RGS7: variants seen among roughly 807,000 people sequenced by gnomAD.
RGS7 encodes regulator of G protein signaling 7, also known as regulator of G-protein signaling 7.
RGS7 carries 27 observed loss-of-function variants against 81.1 expected under a neutral mutation model. The ratio of observed to expected loss-of-function variants is 0.33; its 90% CI spans 0.25 to 0.46. RGS7 has a LOEUF of 0.46. Ranked by LOEUF, RGS7 falls within the 20% of genes least tolerant of loss-of-function variation. The pLI is 1.00. For missense variants in RGS7, 396 were observed against 607.4 expected, an observed-to-expected ratio of 0.65 and a Z score of 3.66; for synonymous variants, 208 against 207.7, an observed-to-expected ratio of 1.00 and a Z score of -0.01.
intron 6 of RGS7, among the ~76,000 whole-genome samples, chr1:240,894,334 T>A (rs1475645660): frequency 2.0e-5 from 3 of 152,216 alleles, no homozygotes; most frequent in Non-Finnish European, 4.4e-5. Flanking sequence ...AGGATTTATG[T>A]CCTTGTTCAG....
At chr1:241,319,162 G>A (rs1295584621) in intron 2 of RGS7, among the ~76,000 whole-genome samples, 1 of 152,110 alleles carries the variant, frequency 6.6e-6, no homozygotes, top group Non-Finnish European at 1.5e-5. Context: ...TCTTTAACTT[G>A]GTTGGCTGAT....
intron 18 of RGS7, among the ~76,000 whole-genome samples, chr1:240,799,684 A>G (rs1332633647): frequency 6.6e-6 from 1 of 152,170 alleles, no homozygotes; most frequent in African/African-American, 2.4e-5. Flanking sequence ...TCTGTGCATA[A>G]TTTTTATAAC....
At chr1:240,870,179 A>C (rs1417820334) in intron 6 of RGS7, 60 bp from the exon 7 acceptor site, 1 of 1,426,282 alleles carries the variant, frequency 7.0e-7, no homozygotes, top group Non-Finnish European at 9.9e-7. Context: ...TATAAGTAAA[A>C]GTACAACATT....
chr1:240,779,036 G>A lies in RGS7; in HGVS notation c.*7-2823C>T, dbSNP rs116500858. 2.8e-3 allele frequency among the ~76,000 whole-genome samples: 421 copies of A among 152,150 alleles called. 1 individual carries two copies. The highest frequency in any genetic ancestry group is 9.1e-3 in the African/African-American group (378 of 41,496). On this transcript the variant is annotated intron_variant, in intron 18 of 18. Transcript: ENST00000440928. ...CTCCCCAGTGTGATGCTATTAGGAG[G>A]TGGGGGCTTTGCGAAGTGACCATGT...
intron 2 of RGS7, among the ~76,000 whole-genome samples, chr1:241,327,080 G>GGA (rs2081590448): frequency 2.0e-5 from 1 of 49,348 alleles, no homozygotes; most frequent in Admixed American, 2.4e-4. Flanking sequence ...AAGGAAGGAA[G>GGA]AGAAAGAAAG....
chr1:241,212,803 G>A (rs888049595), intron 2 of RGS7, among the ~76,000 whole-genome samples: 8 of 152,208 alleles, frequency 5.3e-5, no homozygotes, highest in African/African-American at 1.9e-4. Context: ...CTTCCGCGTT[G>A]TTGTAGGACA....
chr1:240,790,239 AAAAAC>A (rs547510902), intron 18 of RGS7, among the ~76,000 whole-genome samples: 13 of 152,320 alleles, frequency 8.5e-5, no homozygotes, highest in African/African-American at 3.1e-4. Flanking sequence ...CTCAAAAAAC[AAAAAC>A]AAAACAAAAC....
intron 2 of RGS7, among the ~76,000 whole-genome samples, chr1:241,238,538 T>C (rs1282882682): frequency 6.6e-6 from 1 of 152,188 alleles, no homozygotes; most frequent in Non-Finnish European, 1.5e-5. Context: ...TCTCTCTTTT[T>C]TCTTTTAAAA....
intron 2 of RGS7, among the ~76,000 whole-genome samples, chr1:241,136,604 C>T (rs977516344): frequency 1.3e-5 from 2 of 152,096 alleles, no homozygotes; most frequent in African/African-American, 2.4e-5. Context: ...CACGAAAGGC[C>T]GGGTGATGGC....
chr1:241,192,044 AGAGGCG>A (rs1359136464), intron 2 of RGS7, among the ~76,000 whole-genome samples: 1 of 152,222 alleles, frequency 6.6e-6, no homozygotes, highest in African/African-American at 2.4e-5. Context: ...TAACATGAGC[AGAGGCG>A]GGGCCAAACT....
At chr1:240,948,838 T>C (rs1313845278) in intron 4 of RGS7, among the ~76,000 whole-genome samples, 2 of 149,758 alleles carry the variant, frequency 1.3e-5, no homozygotes, top group African/African-American at 4.9e-5. Flanking sequence ...TAGTATAACA[T>C]ACATATATAT....
rs1369186248 is a variant in RGS7, at chr1:240,983,191, T to G, written c.176-62A>C. The G allele has an allele frequency of 3.4e-6, 3 of 885,122 alleles. No homozygotes were observed. In the African/African-American group the frequency reaches 5.1e-5, roughly 15 times the overall value. 54.8% of individuals were successfully genotyped at this position (885,122 alleles called of 1,614,324 possible). ...AACATTTTGTTTATACATATTAACT[T>G]TAAGAATTCTCCACCTTTGGTGCTC... On this transcript the variant is annotated intron_variant, in intron 3 of 18. Transcript: ENST00000440928.
intron 18 of RGS7, among the ~76,000 whole-genome samples, chr1:240,791,167 C>T (rs1685938444): frequency 6.6e-6 from 1 of 152,128 alleles, no homozygotes; most frequent in African/African-American, 2.4e-5. Context: ...TTTAAATTTC[C>T]AACAACTGCC....
intron 2 of RGS7, among the ~76,000 whole-genome samples, chr1:241,228,231 G>A (rs537881950): frequency 1.3e-5 from 2 of 152,260 alleles, no homozygotes; most frequent in East Asian, 3.9e-4. Flanking sequence ...CGGCCACAAT[G>A]CCAAAACACG....
At chr1:240,814,849 C>G in intron 11 of RGS7, 72 bp from the exon 12 acceptor site, 1 of 949,492 alleles carries the variant, frequency 1.1e-6, no homozygotes, top group Non-Finnish European at 1.7e-6. Context: ...AAATCATGAT[C>G]AGCTGGGCAA....
intron 9 of RGS7, among the ~76,000 whole-genome samples, chr1:240,828,845 A>G (rs145061985): frequency 2.1e-3 from 316 of 152,220 alleles, no homozygotes; most frequent in African/African-American, 7.0e-3. Context: ...CAATTTCTCT[A>G]TTTCTTCCCA....
intron 4 of RGS7, among the ~76,000 whole-genome samples, chr1:240,957,534 T>C (rs768061014): frequency 4.6e-5 from 7 of 152,216 alleles, no homozygotes; most frequent in Non-Finnish European, 7.3e-5. Context: ...TAGAGAACCC[T>C]GGCTAATACA....
chr1:240,782,473 A>G (rs1684287852), intron 18 of RGS7, among the ~76,000 whole-genome samples: 1 of 152,168 alleles, frequency 6.6e-6, no homozygotes, highest in East Asian at 1.9e-4. Flanking sequence ...CCCAGGTCAG[A>G]GTGCAGTGGT....
At chr1:240,982,525 C>A (rs1433268900) in intron 4 of RGS7, among the ~76,000 whole-genome samples, 1 of 149,880 alleles carries the variant, frequency 6.7e-6, no homozygotes, top group Non-Finnish European at 1.5e-5. Context: ...TGTTCCCTTA[C>A]TTTGGAAATT....
Sources: allele counts gnomAD v4.1 joint callset (sites outside exome capture counted in the v4.1 genomes callset), GRCh38; gene constraint gnomAD v4.1.1; transcripts MANE v1.5; gene names NCBI Gene and HGNC (gene_info 2026-07-23, HGNC 2026-07-21).